Variants in TRIM36 observed in about 807,000 individuals in gnomAD.
TRIM36 encodes the protein tripartite motif containing 36, also known as E3 ubiquitin-protein ligase TRIM36.
TRIM36 carries 42 observed loss-of-function variants against 72.4 expected under a neutral mutation model. The ratio of observed to expected loss-of-function variants is 0.58; its 90% CI spans 0.45 to 0.75. The LOEUF is 0.75. Ranked by LOEUF, TRIM36 falls within the 30% of genes least tolerant of loss-of-function variation. The pLI is 0.00. For missense variants in TRIM36, 913 were observed against 857.1 expected (o/e 1.07, Z -0.81); for synonymous variants, 315 against 282.8 (o/e 1.11, Z -1.14).
chr5:115,153,290 G>A (rs1386667167), intron 2 of TRIM36, among the ~76,000 whole-genome samples: 1 of 151,970 alleles, frequency 6.6e-6, no homozygotes, highest in African/African-American at 2.4e-5. Context: ...AAAAGACAAA[G>A]AAGGACATTA....
intron 2 of TRIM36, among the ~76,000 whole-genome samples, chr5:115,161,184 G>T (rs1561442805): frequency 6.7e-6 from 1 of 148,492 alleles, no homozygotes; most frequent in Non-Finnish European, 1.5e-5. Flanking sequence ...ATGCTAAGGG[G>T]TATGTGTCTT....
chr5:115,159,288 T>G (rs1164139680), intron 2 of TRIM36, among the ~76,000 whole-genome samples: 1 of 152,244 alleles, frequency 6.6e-6, no homozygotes, highest in Non-Finnish European at 1.5e-5. Flanking sequence ...ATTAGCTTAT[T>G]TAACCTTTAA....
rs1223597112 is a variant in TRIM36 at position 115,125,890 on chromosome 5, G to A, written c.*613C>T. 3 of 152,034 alleles carry A rather than the reference G, an allele frequency of 2.0e-5. No individual in the cohort carries two copies. The highest frequency in any genetic ancestry group is 4.4e-5 in the Non-Finnish European group (3 of 68,006). The allele number at this position is 152,034 out of a possible 1,614,324, so 9.4% of individuals were successfully genotyped here. On this transcript the variant is annotated 3_prime_UTR_variant, in exon 10 of 10. Transcript: ENST00000513154. The stretch of plus-strand genomic sequence containing the variant: ...AATGTCCTTAGCAATACAGTTTGTG[G>A]TCTTAACAAAACAAAACAGTAGTAT...
upstream of TRIM36, chr5:115,171,245 A>C: frequency 6.2e-7 from 1 of 1,613,868 alleles, no homozygotes; most frequent in Non-Finnish European, 8.5e-7. Flanking sequence ...TGTAGAATTA[A>C]AAACACTGAG....
chr5:115,125,281 C>G lies in TRIM36; in HGVS notation c.*1222G>C, dbSNP rs1029648468. The G allele has an allele frequency of 6.6e-6, 1 of 151,976 alleles. No homozygotes were observed. The highest frequency in any genetic ancestry group is 2.4e-5 in the African/African-American group (1 of 41,402). The allele number at this position is 151,976 out of a possible 1,614,324, so 9.4% of individuals were successfully genotyped here. A position where few individuals can be genotyped will look rare whatever the true frequency, so the allele number is the denominator to read the frequency against. ...AAAAATAAGTACTTTAAATAAAAAC[C>G]ACCTACTTGAAAGCAACACCTTTCA... On this transcript the variant is annotated 3_prime_UTR_variant, in exon 10 of 10. Coordinates refer to ENST00000513154, the MANE Select transcript of TRIM36 (RefSeq NM_001300759.2).
intron 2 of TRIM36, among the ~76,000 whole-genome samples, chr5:115,161,527 G>A: frequency 6.6e-6 from 1 of 152,192 alleles, no homozygotes; most frequent in East Asian, 1.9e-4. Context: ...TATTGAGCTG[G>A]TGTGGTATTG....
At chr5:115,148,542 C>A (rs1374692625) in intron 2 of TRIM36, among the ~76,000 whole-genome samples, 1 of 149,760 alleles carries the variant, frequency 6.7e-6, no homozygotes, top group Non-Finnish European at 1.5e-5. Context: ...TGCCAAGTAG[C>A]TGGGATTACA....
intron 2 of TRIM36, among the ~76,000 whole-genome samples, chr5:115,157,715 A>G (rs1490079282): frequency 6.6e-6 from 1 of 152,200 alleles, no homozygotes; most frequent in East Asian, 1.9e-4. Context: ...AAAACGTGGA[A>G]AAAACCCAAA....
rs1189296143 is a variant in TRIM36, at chr5:115,124,779, T to A, written c.*1724A>T. Reference sequence around the variant, plus strand: ...CACATGAATTCTTTTTAATTTTTTATTAAAAATGAAAGAAACACAGCTAAA... The same window carrying A: ...CACATGAATTCTTTTTAATTTTTTAATAAAAATGAAAGAAACACAGCTAAA... On this transcript the variant is annotated 3_prime_UTR_variant, in exon 10 of 10. Transcript: ENST00000513154. 1 of 152,354 alleles carries A rather than the reference T, an allele frequency of 6.6e-6. No homozygotes were observed. The highest frequency in any genetic ancestry group is 2.4e-5 in the African/African-American group (1 of 41,466). 9.4% of individuals were successfully genotyped at this position (152,354 alleles called of 1,614,324 possible).
intron 1 of TRIM36, among the ~76,000 whole-genome samples, chr5:115,176,372 T>C (rs1755340492): frequency 6.6e-6 from 1 of 152,168 alleles, no homozygotes; most frequent in African/African-American, 2.4e-5. Flanking sequence ...AAAGTTTGTG[T>C]TTGTAAAAAT....
rs1314565605 is a variant in TRIM36, at chr5:115,144,669, G to A, written c.664C>T (p.Leu222=). Reference sequence around the variant, plus strand: ...GCATGATTACCACCCAACTTACACAGATGGCAAACTGGCCTCCTACATAAT... The same window carrying A: ...GCATGATTACCACCCAACTTACACAAATGGCAAACTGGCCTCCTACATAAT... ...CELCRRPVCH[L]CKLGGNHANH... The change falls in exon 4 of 10, where the codon CTG becomes TTG. Residue 222 remains leucine (L), a synonymous_variant. Transcript: ENST00000513154. 1.9e-6 allele frequency: 3 copies of A among 1,614,020 alleles called. No homozygotes were observed. The African/African-American group carries it at 4.0e-5, about 22-fold the overall frequency.
chr5:115,137,777 A>T (rs1390263084), intron 5 of TRIM36, among the ~76,000 whole-genome samples, 161 bp from the exon 6 acceptor site: 1 of 152,214 alleles, frequency 6.6e-6, no homozygotes, highest in East Asian at 1.9e-4. Context: ...ATTATAAAGA[A>T]AAAAGTTTTA....
chr5:115,160,575 C>G (rs548897895), intron 2 of TRIM36, among the ~76,000 whole-genome samples: 1 of 152,142 alleles, frequency 6.6e-6, no homozygotes, highest in Admixed American at 6.5e-5. Context: ...TAGTGAATAA[C>G]GCCTGTAATC....
At chr5:115,166,501 C>T (rs1368946164) in intron 1 of TRIM36, among the ~76,000 whole-genome samples, 1 of 152,180 alleles carries the variant, frequency 6.6e-6, no homozygotes, top group East Asian at 1.9e-4. Flanking sequence ...AGCAGCTACC[C>T]ATGACAGGTC....
chr5:115,177,658 G>C, intron 1 of TRIM36: 1 of 1,594,142 alleles, frequency 6.3e-7, no homozygotes, highest in Non-Finnish European at 8.6e-7. Flanking sequence ...TGAGGAGAGT[G>C]GTAGGAAATA....
At chr5:115,131,765 T>C (rs1249507768) in intron 8 of TRIM36, among the ~76,000 whole-genome samples, 1 of 152,116 alleles carries the variant, frequency 6.6e-6, no homozygotes, top group East Asian at 1.9e-4. Flanking sequence ...CATGGATAAA[T>C]AAGCCAGATG....
intron 9 of TRIM36, among the ~76,000 whole-genome samples, chr5:115,129,703 G>A (rs1465239941): frequency 1.3e-5 from 2 of 152,152 alleles, no homozygotes; most frequent in African/African-American, 4.8e-5. Flanking sequence ...TCCTGGTTGG[G>A]ATTTCATCAT....
At chr5:115,158,581 G>C (rs181802137) in intron 2 of TRIM36, among the ~76,000 whole-genome samples, 1 of 152,320 alleles carries the variant, frequency 6.6e-6, no homozygotes, top group African/African-American at 2.4e-5. Flanking sequence ...GGACACTACT[G>C]TTGGGCTTTT....
intron 2 of TRIM36, among the ~76,000 whole-genome samples, chr5:115,154,959 C>A (rs376806097): frequency 2.0e-5 from 3 of 152,012 alleles, no homozygotes; most frequent in Non-Finnish European, 4.4e-5. Flanking sequence ...GCAGGCAGAT[C>A]CCCTGAGGTC....
Sources: allele counts gnomAD v4.1 joint callset (sites outside exome capture counted in the v4.1 genomes callset), GRCh38; gene constraint gnomAD v4.1.1; transcripts MANE v1.5; gene names NCBI Gene and HGNC (gene_info 2026-07-23, HGNC 2026-07-21).